Variants in ACTR3C observed in about 807,000 individuals in gnomAD.
ACTR3C encodes the protein actin related protein 3C, also known as actin-related protein 3C.
Under a neutral mutation model 26.3 loss-of-function variants are expected in ACTR3C, and 18 were observed. The ratio of observed to expected loss-of-function variants is 0.68; its 90% CI spans 0.47 to 1.01. ACTR3C has a LOEUF of 1.01. ACTR3C is among the 50% of genes least tolerant of loss of function. The pLI, the probability that ACTR3C is intolerant of heterozygous loss-of-function variation, is 0.00. For missense variants in ACTR3C, 184 were observed against 250.7 expected (o/e 0.73, Z 1.80); for synonymous variants, 55 against 94.5 (o/e 0.58, Z 2.42).
chr7:149,978,185 G>A, the ACTR3C span, among the ~76,000 whole-genome samples: 1 of 152,324 alleles, frequency 6.6e-6, no homozygotes, highest in South Asian at 2.1e-4. Context: ...TAGTTGGTTT[G>A]TATGAGCAGT....
At chr7:150,082,109 T>G in the ACTR3C span, among the ~76,000 whole-genome samples, 1 of 152,220 alleles carries the variant, frequency 6.6e-6, no homozygotes, top group Non-Finnish European at 1.5e-5. Flanking sequence ...CCAGACAAGC[T>G]GGGTTGTGAG....
chr7:150,288,197 G>A (rs1206462174), intron 4 of ACTR3C, among the ~76,000 whole-genome samples: 1 of 142,900 alleles, frequency 7.0e-6, no homozygotes, highest in African/African-American at 2.8e-5. Flanking sequence ...CTTCACTGGG[G>A]GGAGACACAT....
At chr7:150,193,078 C>A in the ACTR3C span, among the ~76,000 whole-genome samples, 229 of 152,216 alleles carry the variant, frequency 1.5e-3, no homozygotes, top group African/African-American at 5.4e-3. Context: ...TGGAACATAC[C>A]CACTTTGCTG....
the ACTR3C span, among the ~76,000 whole-genome samples, chr7:149,986,543 G>A: frequency 3.9e-5 from 6 of 152,224 alleles, no homozygotes; most frequent in Non-Finnish European, 8.8e-5. Context: ...TTAGTAAAGG[G>A]TAAGCACCAT....
chr7:150,041,194 G>T, the ACTR3C span, among the ~76,000 whole-genome samples: 1 of 150,358 alleles, frequency 6.7e-6, no homozygotes, highest in Admixed American at 6.6e-5. Flanking sequence ...CATTTCAAAA[G>T]TTCCGGGTCC....
the ACTR3C span, among the ~76,000 whole-genome samples, chr7:149,941,994 A>C: frequency 6.6e-6 from 1 of 152,040 alleles, no homozygotes; most frequent in Non-Finnish European, 1.5e-5. Flanking sequence ...GTGCAGCCTA[A>C]ATTGTCCCCA....
At chr7:150,259,986 C>T (rs1477578431) in intron 6 of ACTR3C, among the ~76,000 whole-genome samples, 2 of 152,142 alleles carry the variant, frequency 1.3e-5, no homozygotes, top group Non-Finnish European at 2.9e-5. Context: ...CCTTTTGTTC[C>T]GTACTGCAAT....
chr7:149,930,659 G>A, the ACTR3C span, among the ~76,000 whole-genome samples: 5 of 152,240 alleles, frequency 3.3e-5, no homozygotes, highest in Admixed American at 6.5e-5. Context: ...TGGCAACAGG[G>A]AAAGATGAAT....
the ACTR3C span, among the ~76,000 whole-genome samples, chr7:150,086,930 C>T: frequency 4.6e-5 from 7 of 152,216 alleles, no homozygotes; most frequent in Non-Finnish European, 5.9e-5. Context: ...AGACAGGAAG[C>T]TGAGAAGAGA....
intron 1 of ACTR3C, among the ~76,000 whole-genome samples, chr7:150,319,565 T>A (rs1050168933): frequency 6.6e-6 from 1 of 152,192 alleles, no homozygotes; most frequent in African/African-American, 2.4e-5. Flanking sequence ...TATGAAATGG[T>A]CCAGGAAGAG....
At chr7:150,189,387 A>G in the ACTR3C span, among the ~76,000 whole-genome samples, 1 of 152,172 alleles carries the variant, frequency 6.6e-6, no homozygotes, top group African/African-American at 2.4e-5. Flanking sequence ...GAGTTCCCCA[A>G]ATATCTTGTG....
chr7:150,147,533 TTC>T, the ACTR3C span, among the ~76,000 whole-genome samples: 10 of 152,244 alleles, frequency 6.6e-5, no homozygotes, highest in African/African-American at 1.7e-4. Context: ...TGCATTTATA[TTC>T]TCTCTCTTTC....
chr7:150,219,794 A>AGCGCCC, the ACTR3C span, among the ~76,000 whole-genome samples: 1 of 144,858 alleles, frequency 6.9e-6, no homozygotes, highest in East Asian at 1.9e-4. Context: ...AGCCAGCGCC[A>AGCGCCC]GCGCCCGCGG....
chr7:150,225,625 A>G, the ACTR3C span, among the ~76,000 whole-genome samples: 1 of 152,204 alleles, frequency 6.6e-6, no homozygotes, highest in Non-Finnish European at 1.5e-5. Flanking sequence ...GACTCAACTC[A>G]TTTCCAAAGT....
the ACTR3C span, among the ~76,000 whole-genome samples, chr7:150,205,806 G>T: frequency 6.7e-6 from 1 of 149,976 alleles, no homozygotes. Context: ...TAATTCAGAA[G>T]AATTCAGAAG....
At chr7:150,228,854 T>C in the ACTR3C span, among the ~76,000 whole-genome samples, 13 of 148,342 alleles carry the variant, frequency 8.8e-5, no homozygotes, top group African/African-American at 7.6e-5. Context: ...TGTATAATAC[T>C]ATATATAGTA....
chr7:149,885,412 C>T, the ACTR3C span, among the ~76,000 whole-genome samples: 1 of 152,214 alleles, frequency 6.6e-6, no homozygotes, highest in African/African-American at 2.4e-5. Context: ...GCACTGATCC[C>T]AGCATGAGCT....
At chr7:150,263,448 G>A (rs1042533356) in intron 6 of ACTR3C, among the ~76,000 whole-genome samples, 7 of 142,190 alleles carry the variant, frequency 4.9e-5, no homozygotes, top group Non-Finnish European at 7.7e-5. Context: ...CAATGTTGCC[G>A]CTTAGAGAAC....
the ACTR3C span, among the ~76,000 whole-genome samples, chr7:150,042,510 G>GC: frequency 8.4e-6 from 1 of 119,378 alleles, no homozygotes; most frequent in African/African-American, 3.6e-5. Flanking sequence ...GGATTGCCTC[G>GC]CCCCCTGCGA....
Sources: gnomAD v4.1 joint callset for allele counts (sites outside exome capture counted in the v4.1 genomes callset) on GRCh38, gnomAD v4.1.1 for gene constraint, MANE v1.5 for transcripts, NCBI Gene and HGNC (gene_info 2026-07-23, HGNC 2026-07-21) for gene names.